KAZN: variants seen among roughly 807,000 people sequenced by gnomAD.
KAZN encodes the protein kazrin, periplakin interacting protein, also known as kazrin.
A neutral mutation model predicts 87.4 loss-of-function variants in KAZN; 40 were observed. The ratio of observed to expected loss-of-function variants is 0.46; its 90% CI spans 0.36 to 0.60. The LOEUF (loss-of-function observed/expected upper bound fraction) is 0.60, where lower values mean the gene tolerates loss of function less well. Ranked by LOEUF, KAZN falls within the 20% of genes least tolerant of loss-of-function variation. The pLI is 0.00. For missense variants in KAZN, 898 were observed against 1,073.9 expected (o/e 0.84, Z 2.29); for synonymous variants, 466 against 458.3 (o/e 1.02, Z -0.22).
chr1:13,936,346 C>T (rs1640745220), intron 1 of KAZN, among the ~76,000 whole-genome samples: 1 of 151,910 alleles, frequency 6.6e-6, no homozygotes, highest in Non-Finnish European at 1.5e-5. Context: ...AGGTGATTCA[C>T]CTGCCTTGGC....
At chr1:14,994,117 A>G (rs1006203002) in intron 2 of KAZN, among the ~76,000 whole-genome samples, 2 of 152,216 alleles carry the variant, frequency 1.3e-5, no homozygotes, top group Non-Finnish European at 2.9e-5. Flanking sequence ...TCTGCAAGCC[A>G]TCCTCAGAAG....
chr1:14,445,909 G>A (rs961919413), intron 2 of KAZN, among the ~76,000 whole-genome samples: 3 of 151,988 alleles, frequency 2.0e-5, no homozygotes, highest in East Asian at 1.9e-4. Flanking sequence ...AGTATGAAGC[G>A]GTTGAGGCTG....
In KAZN at chr1:14,655,130, A is replaced by G. The variant is rs565836693; in HGVS notation, c.226+55907A>G. On this transcript the variant is annotated intron_variant, in intron 1 of 14. Coordinates refer to ENST00000376030, the MANE Select transcript of KAZN (RefSeq NM_201628.3). ...TCCGTGGTGCTGCTGCTCCTGGCCT[A>G]GGGGCTGCACTTTGTGAACACTCAT... 6.6e-5 allele frequency among the ~76,000 whole-genome samples: 10 copies of G among 152,258 alleles called. No homozygotes were observed. In the South Asian group the frequency reaches 1.9e-3, roughly 28 times the overall value.
chr1:14,496,768 C>T (rs1296254461), intron 2 of KAZN, among the ~76,000 whole-genome samples: 17 of 151,844 alleles, frequency 1.1e-4, no homozygotes, highest in South Asian at 6.2e-4. Flanking sequence ...AATGTGTGCG[C>T]GCCTACATGC....
chr1:14,395,222 T>C (rs1323381277), intron 2 of KAZN, among the ~76,000 whole-genome samples: 1 of 152,222 alleles, frequency 6.6e-6, no homozygotes, highest in Non-Finnish European at 1.5e-5. Context: ...GCAGGTGGTC[T>C]GCTTTAGCTG....
chr1:15,086,029 G>T (rs1369955718), intron 8 of KAZN, among the ~76,000 whole-genome samples: 1 of 152,090 alleles, frequency 6.6e-6, no homozygotes, highest in Non-Finnish European at 1.5e-5. Context: ...GGAGTGCAGT[G>T]GTGCGATCTC....
chr1:14,545,272 G>T (rs897099759), intron 2 of KAZN, among the ~76,000 whole-genome samples: 9 of 152,194 alleles, frequency 5.9e-5, no homozygotes, highest in Non-Finnish European at 1.2e-4. Flanking sequence ...CACAGAGGTA[G>T]CCAGGAGGTG....
At chr1:14,392,234 CTT>C (rs956746477) in intron 2 of KAZN, among the ~76,000 whole-genome samples, 7 of 152,280 alleles carry the variant, frequency 4.6e-5, no homozygotes, top group African/African-American at 1.7e-4. Flanking sequence ...ATCCTTATGT[CTT>C]TGTCAAAAGT....
chr1:13,980,986 G>A (rs1209548419), intron 1 of KAZN, among the ~76,000 whole-genome samples: 1 of 148,188 alleles, frequency 6.7e-6, no homozygotes, highest in African/African-American at 2.5e-5. Context: ...CCTGGGGGAA[G>A]CTGTATAACA....
chr1:14,633,847 G>GA, intron 1 of KAZN, among the ~76,000 whole-genome samples: 1 of 151,872 alleles, frequency 6.6e-6, no homozygotes, highest in South Asian at 2.1e-4. Flanking sequence ...ACACCTGGTA[G>GA]AAACAGCATT....
At chr1:14,216,846 G>A (rs1293420633) in intron 2 of KAZN, among the ~76,000 whole-genome samples, 5 of 152,180 alleles carry the variant, frequency 3.3e-5, no homozygotes, top group Non-Finnish European at 7.3e-5. Flanking sequence ...GGAGGCTTCA[G>A]TGAGCTGAGA....
intron 1 of KAZN, among the ~76,000 whole-genome samples, chr1:14,833,691 T>C (rs1179319073): frequency 1.3e-5 from 2 of 152,032 alleles, no homozygotes; most frequent in Admixed American, 6.6e-5. Flanking sequence ...GATGTACAGG[T>C]GCCCGGGGGA....
At chr1:14,766,386 CT>C (rs1644884908) in intron 1 of KAZN, among the ~76,000 whole-genome samples, 1 of 151,964 alleles carries the variant, frequency 6.6e-6, no homozygotes, top group Non-Finnish European at 1.5e-5. Flanking sequence ...GCCCCAGAGG[CT>C]GGGAAAAGGC....
At chr1:15,050,092 A>ATCT (rs1674168233) in intron 4 of KAZN, among the ~76,000 whole-genome samples, 1 of 88,394 alleles carries the variant, frequency 1.1e-5, no homozygotes, top group African/African-American at 6.1e-5. Context: ...ACAGTAGAGT[A>ATCT]CAGTAGAGTA....
At chr1:14,313,155 T>C (rs1217415021) in intron 2 of KAZN, among the ~76,000 whole-genome samples, 1 of 152,128 alleles carries the variant, frequency 6.6e-6, no homozygotes, top group Non-Finnish European at 1.5e-5. Context: ...ATCAAAGTAA[T>C]TAGGAGATAA....
chr1:14,534,873 C>G (rs551639022), intron 2 of KAZN, among the ~76,000 whole-genome samples: 1 of 152,258 alleles, frequency 6.6e-6, no homozygotes, highest in East Asian at 1.9e-4. Context: ...GTTCTACCTT[C>G]TCCTCTGAGC....
rs184060578 is a variant in KAZN at position 14,387,995 on chromosome 1, G to T, written c.249+207403G>T. The stretch of plus-strand genomic sequence containing the variant: ...CGTGGGCGTAGGACCCTCCGATCCA[G>T]GTGCGGGATATAATCTCCTGGTGTG... On this transcript the variant is annotated intron_variant, in intron 2 of 16. Coordinates refer to the KAZN transcript ENST00000636203. Among the ~76,000 whole-genome samples, 1,205 of 152,362 alleles carry T rather than the reference G, an allele frequency of 7.9e-3. 12 individuals are homozygous for T. The highest frequency in any genetic ancestry group is 0.024 in the African/African-American group (999 of 41,588).
At chr1:14,678,101 G>T (rs958677461) in intron 1 of KAZN, among the ~76,000 whole-genome samples, 10 of 152,176 alleles carry the variant, frequency 6.6e-5, no homozygotes, top group African/African-American at 2.4e-4. Flanking sequence ...TTGGACTGAA[G>T]ATGCAAAGTA....
intron 10 of KAZN, among the ~76,000 whole-genome samples, chr1:15,095,312 A>G (rs1209596904): frequency 6.6e-6 from 1 of 151,806 alleles, no homozygotes; most frequent in Non-Finnish European, 1.5e-5. Flanking sequence ...TAACAGGGTG[A>G]GGAAAAACGG....
Sources: gnomAD v4.1 joint callset for allele counts (sites outside exome capture counted in the v4.1 genomes callset) on GRCh38, gnomAD v4.1.1 for gene constraint, MANE v1.5 for transcripts, NCBI Gene and HGNC (gene_info 2026-07-23, HGNC 2026-07-21) for gene names.